The following FNBP1L variants were observed in gnomAD, a reference collection of about 807,000 sequenced individuals.
FNBP1L encodes the protein formin-binding protein 1-like.
Under a neutral mutation model 91.2 loss-of-function variants are expected in FNBP1L, and 36 were observed. The ratio of observed to expected loss-of-function variants is 0.39; its 90% CI spans 0.30 to 0.52. FNBP1L has a LOEUF of 0.52. FNBP1L is among the 20% of genes least tolerant of loss of function. The probability of loss-of-function intolerance (pLI) is 0.66; values close to 1 mark genes in which losing one functional copy is unlikely to be tolerated. For synonymous variants in FNBP1L, 242 were observed against 237.0 expected (o/e 1.02, Z -0.19); for missense variants, 571 against 732.1 (o/e 0.78, Z 2.54).
intron 1 of FNBP1L, among the ~76,000 whole-genome samples, chr1:93,450,441 A>C (rs1668456283): frequency 1.3e-5 from 2 of 152,208 alleles, no homozygotes; most frequent in African/African-American, 2.4e-5. Context: ...TTAGAAACTA[A>C]GTAATGTAGA....
At chr1:93,534,235 C>G (rs1671774569) in intron 8 of FNBP1L, among the ~76,000 whole-genome samples, 1 of 152,104 alleles carries the variant, frequency 6.6e-6, no homozygotes, top group Non-Finnish European at 1.5e-5. Flanking sequence ...GTTAGAAAGC[C>G]TTTCCTACTC....
intron 1 of FNBP1L, among the ~76,000 whole-genome samples, chr1:93,467,246 C>T (rs982836559): frequency 3.9e-5 from 6 of 152,220 alleles, no homozygotes; most frequent in African/African-American, 1.4e-4. Context: ...CCCACTTGTT[C>T]ATCAGCAGAT....
intron 10 of FNBP1L, among the ~76,000 whole-genome samples, chr1:93,539,978 G>A (rs376640501): frequency 1.3e-5 from 2 of 151,992 alleles, no homozygotes; most frequent in Non-Finnish European, 2.9e-5. Context: ...AGAAAATAGG[G>A]AAAAGTAAAA....
At chr1:93,552,058 G>A in intron 16 of FNBP1L, 1 of 1,046,558 alleles carries the variant, frequency 9.6e-7, no homozygotes, top group Non-Finnish European at 1.1e-6. Flanking sequence ...AGGAAGATAT[G>A]TGTACCGCCT....
intron 1 of FNBP1L, among the ~76,000 whole-genome samples, chr1:93,468,075 G>A (rs1024671224): frequency 6.6e-6 from 1 of 152,128 alleles, no homozygotes; most frequent in African/African-American, 2.4e-5. Flanking sequence ...CAGAAGGAAA[G>A]CTGTTGCCCA....
chr1:93,549,335 G>T lies in FNBP1L; in HGVS notation c.1560G>T (p.Gln520His), dbSNP rs967564834. 1 of 1,613,244 alleles carries T rather than the reference G, an allele frequency of 6.2e-7. No individual in the cohort carries two copies. ...ANQEVRGPPQQHGHHNEFDDE... is the reference protein window; with the variant it reads ...ANQEVRGPPQHHGHHNEFDDE... The stretch of plus-strand genomic sequence containing the variant: ...AGGAAGTCCGTGGGCCACCCCAGCA[G>T]CATGGTCACCACAATGAGTTTGATG... The change falls in exon 15 of 17, where the codon CAG (glutamine) becomes CAT (histidine). Residue 520 changes from glutamine (Q) to histidine (H), a missense_variant. Gln to His is a conservative substitution (Grantham distance 24). This residue lies in a region of FNBP1L where 189 missense variants were observed against 219.7 expected (regional missense o/e 0.86). Transcript: ENST00000271234.
intron 1 of FNBP1L, among the ~76,000 whole-genome samples, chr1:93,492,540 G>GT (rs527730707): frequency 9.9e-4 from 150 of 152,244 alleles, no homozygotes; most frequent in African/African-American, 3.3e-3. Context: ...GACTTAGAAA[G>GT]TTTCCTATAA....
At chr1:93,457,266 G>T (rs774486987) in intron 1 of FNBP1L, among the ~76,000 whole-genome samples, 1 of 152,184 alleles carries the variant, frequency 6.6e-6, no homozygotes. Flanking sequence ...CGTATGGTAA[G>T]TACTCTTTTG....
Position 93,532,831 on chromosome 1 carries a change from T to C in FNBP1L, c.640-91T>C, listed in dbSNP as rs529714856. The C allele has an allele frequency of 1.1e-3, 1,073 of 961,952 alleles. 2 individuals are homozygous for C. Among genetic ancestry groups the C allele is most frequent in the Non-Finnish European group, 1.4e-3 (916 of 666,730 alleles). 59.6% of individuals were successfully genotyped at this position (961,952 alleles called of 1,614,324 possible). The stretch of plus-strand genomic sequence containing the variant: ...CAGTGTAACTATGAGGGTAGAAATA[T>C]TTAATTTTTGATGGGGGATCACTAA... On this transcript the variant is annotated intron_variant, in intron 7 of 16. Coordinates refer to ENST00000271234, the MANE Select transcript of FNBP1L (RefSeq NM_001164473.3).
chr1:93,510,555 C>T (rs1670796826), intron 2 of FNBP1L, among the ~76,000 whole-genome samples: 1 of 152,186 alleles, frequency 6.6e-6, no homozygotes. Context: ...GAGCGCCTCT[C>T]CTCCTCCAAA....
chr1:93,481,229 G>A (rs971640236), intron 1 of FNBP1L, among the ~76,000 whole-genome samples: 1 of 152,074 alleles, frequency 6.6e-6, no homozygotes, highest in Non-Finnish European at 1.5e-5. Context: ...GGCCCCAGAG[G>A]TCCATGTGTG....
chr1:93,468,534 G>A (rs1435329235), intron 1 of FNBP1L, among the ~76,000 whole-genome samples: 1 of 152,100 alleles, frequency 6.6e-6, no homozygotes, highest in Non-Finnish European at 1.5e-5. Context: ...GGGTTCAAGC[G>A]ATCCTCCCAC....
chr1:93,507,860 G>T (rs912682173), intron 2 of FNBP1L, among the ~76,000 whole-genome samples: 1 of 151,546 alleles, frequency 6.6e-6, no homozygotes, highest in Admixed American at 6.6e-5. Context: ...TGTTGGCCTG[G>T]CTGGTCTTGA....
At chr1:93,472,764 A>G (rs998729102) in intron 1 of FNBP1L, among the ~76,000 whole-genome samples, 3 of 131,358 alleles carry the variant, frequency 2.3e-5, no homozygotes, top group African/African-American at 8.4e-5. Context: ...GTGAGCCGAG[A>G]TTGCGCCACT....
At chr1:93,513,719 AC>A (rs781700895) in intron 2 of FNBP1L, among the ~76,000 whole-genome samples, 22 of 152,272 alleles carry the variant, frequency 1.4e-4, no homozygotes, top group East Asian at 3.9e-4. Context: ...AAATTCAAGA[AC>A]CCTTCATGCT....
intron 2 of FNBP1L, among the ~76,000 whole-genome samples, chr1:93,506,340 G>T (rs557534776): frequency 6.6e-6 from 1 of 152,118 alleles, no homozygotes. Context: ...GTCATCAACA[G>T]TGCCAGTTTT....
chr1:93,483,442 A>G (rs1669787788), intron 1 of FNBP1L, among the ~76,000 whole-genome samples: 1 of 152,202 alleles, frequency 6.6e-6, no homozygotes, highest in East Asian at 1.9e-4. Context: ...ACCACAGCCT[A>G]AATTATTCAT....
intron 16 of FNBP1L, chr1:93,552,131 A>C (rs571404165): frequency 8.4e-7 from 1 of 1,184,746 alleles, no homozygotes; most frequent in African/African-American, 1.6e-5. Flanking sequence ...TTTTCCAATT[A>C]GTTTCAGCAA....
At chr1:93,461,128 T>A (rs898957008) in intron 1 of FNBP1L, among the ~76,000 whole-genome samples, 1 of 152,226 alleles carries the variant, frequency 6.6e-6, no homozygotes, top group African/African-American at 2.4e-5. Flanking sequence ...TAGGGCATAC[T>A]GAGCTCTGAT....
Sources: gnomAD v4.1 joint callset for allele counts (sites outside exome capture counted in the v4.1 genomes callset) on GRCh38, gnomAD v4.1.1 for gene constraint, gnomAD v4.1.1 regional missense constraint, MANE v1.5 for transcripts, NCBI Gene and HGNC (gene_info 2026-07-23, HGNC 2026-07-21) for gene names.